GDAP1: variants seen among roughly 807,000 people sequenced by gnomAD.
GDAP1 encodes the protein ganglioside induced differentiation associated protein 1.
Under a neutral mutation model 40.1 loss-of-function variants are expected in GDAP1, and 34 were observed. The observed-to-expected ratio is 0.85, with a 90% CI of 0.64 to 1.13. The LOEUF (loss-of-function observed/expected upper bound fraction) is 1.13, where lower values mean the gene tolerates loss of function less well. Among genes scored for constraint, GDAP1 ranks in the 50% most tolerant of loss-of-function variants. The pLI, the probability that GDAP1 is intolerant of heterozygous loss-of-function variation, is 0.00. For synonymous variants in GDAP1, 170 were observed against 157.4 expected (o/e 1.08, Z -0.60); for missense variants, 374 against 433.7 (o/e 0.86, Z 1.22).
chr8:74,350,639 C>G (rs1354475457), intron 1 of GDAP1, 61 bp downstream of exon 1: 1 of 1,032,640 alleles, frequency 9.7e-7, no homozygotes, highest in African/African-American at 1.6e-5. Flanking sequence ...GGGACAGCTC[C>G]TTCTGAGTCC....
At chr8:74,401,940 C>T (rs1206825942) in intron 2 of GDAP1, among the ~76,000 whole-genome samples, 2 of 150,120 alleles carry the variant, frequency 1.3e-5, no homozygotes, top group South Asian at 4.1e-4. Context: ...AGTACCCGGC[C>T]GTGTGGTGTC....
chr8:74,354,168 A>G (rs192543663), intron 2 of GDAP1, among the ~76,000 whole-genome samples: 1 of 152,308 alleles, frequency 6.6e-6, no homozygotes, highest in Admixed American at 6.5e-5. Flanking sequence ...CTCTTCAACT[A>G]TAGACTCTCA....
At chr8:74,421,614 A>C (rs1452100649) in intron 2 of GDAP1, among the ~76,000 whole-genome samples, 2 of 147,092 alleles carry the variant, frequency 1.4e-5, no homozygotes, top group African/African-American at 2.6e-5. Context: ...CAAGCTGCAC[A>C]GTTCAACCTT....
intron 2 of GDAP1, among the ~76,000 whole-genome samples, chr8:74,409,720 A>T (rs1805684504): frequency 6.7e-6 from 1 of 150,012 alleles, no homozygotes; most frequent in African/African-American, 2.5e-5. Context: ...GAAACTTACC[A>T]GGTTATTGCA....
chr8:74,420,627 A>G (rs959738463), intron 2 of GDAP1, among the ~76,000 whole-genome samples: 2 of 152,168 alleles, frequency 1.3e-5, no homozygotes, highest in African/African-American at 4.8e-5. Flanking sequence ...AGTGCTTTGC[A>G]TTACCTACTT....
chr8:74,398,679 G>A (rs181188641), intron 2 of GDAP1, among the ~76,000 whole-genome samples: 51 of 152,276 alleles, frequency 3.3e-4, no homozygotes, highest in Non-Finnish European at 6.0e-4. Flanking sequence ...GATATTGGCT[G>A]TGGGTTTGTC....
chr8:74,423,599 C>T (rs2131560937), intron 2 of GDAP1, among the ~76,000 whole-genome samples: 2 of 151,906 alleles, frequency 1.3e-5, no homozygotes, highest in South Asian at 2.1e-4. Flanking sequence ...ATAATTTTTA[C>T]TGTCTATGCT....
chr8:74,372,306 A>C (rs1467320819), intron 2 of GDAP1, among the ~76,000 whole-genome samples: 1 of 152,160 alleles, frequency 6.6e-6, no homozygotes, highest in Non-Finnish European at 1.5e-5. Flanking sequence ...GCTGGGTCAA[A>C]TGCTATTTCT....
chr8:74,365,951 A>G lies in GDAP1; in HGVS notation c.*1584A>G. The stretch of plus-strand genomic sequence containing the variant: ...TGTATTCATTAGAGCCATAGAAGTT[A>G]TTATTCATTAGTTCATAGTGTTTGA... On this transcript the variant is annotated 3_prime_UTR_variant, in exon 6 of 6. Transcript: ENST00000220822. The G allele has an allele frequency of 2.2e-6, 1 of 452,888 alleles. No homozygotes were observed. The highest frequency in any genetic ancestry group is 2.0e-5 in the African/African-American group (1 of 50,056). 28.1% of individuals were successfully genotyped at this position (452,888 alleles called of 1,614,324 possible).
Position 74,395,650 on chromosome 8 carries a change from C to T in GDAP1, c.165+44329C>T, listed in dbSNP as rs566008811. On this transcript the variant is annotated intron_variant, in intron 2 of 2. Transcript: ENST00000523640. The stretch of plus-strand genomic sequence containing the variant: ...TTCCTGTTGCCCTAATGTATGTGGG[C>T]GTGTCTGCAATGCTGTGGAAAACTC... Among the ~76,000 whole-genome samples the T allele has an allele frequency of 1.1e-4, 17 of 152,166 alleles. 1 individual carries two copies. The South Asian group carries it at 1.9e-3, about 17-fold the overall frequency.
chr8:74,446,990 C>T (rs1052698494), intron 2 of GDAP1, among the ~76,000 whole-genome samples: 3 of 151,908 alleles, frequency 2.0e-5, no homozygotes, highest in Non-Finnish European at 2.9e-5. Context: ...GTGATGGTAG[C>T]GCAAACTTGT....
intron 2 of GDAP1, among the ~76,000 whole-genome samples, chr8:74,356,716 A>ATTTTTTTTTTT (rs377497809): frequency 9.6e-6 from 1 of 104,362 alleles, no homozygotes; most frequent in Non-Finnish European, 1.8e-5. Flanking sequence ...ATATATATAT[A>ATTTTTTTTTTT]TTTTTTTTTT....
At chr8:74,464,734 C>T (rs1248274264) in intron 2 of GDAP1, among the ~76,000 whole-genome samples, 1 of 152,098 alleles carries the variant, frequency 6.6e-6, no homozygotes, top group Non-Finnish European at 1.5e-5. Context: ...AAGAATAACT[C>T]CGTCAGACAA....
intron 2 of GDAP1, among the ~76,000 whole-genome samples, chr8:74,382,252 G>T (rs986194062): frequency 6.6e-6 from 1 of 151,950 alleles, no homozygotes; most frequent in Non-Finnish European, 1.5e-5. Flanking sequence ...TTGATTTCTG[G>T]TATGTTAAGG....
At chr8:74,428,975 T>C (rs1805991489) in intron 2 of GDAP1, among the ~76,000 whole-genome samples, 1 of 151,414 alleles carries the variant, frequency 6.6e-6, no homozygotes, top group South Asian at 2.1e-4. Flanking sequence ...TTTGGTTTTT[T>C]GTCCTTGCGA....
intron 2 of GDAP1, among the ~76,000 whole-genome samples, chr8:74,409,421 G>C (rs1805680616): frequency 6.7e-6 from 1 of 149,646 alleles, no homozygotes; most frequent in Admixed American, 6.6e-5. Context: ...GTGCGATCTT[G>C]GCTCACTGCA....
At position 74,362,784 on chromosome 8, in the gene GDAP1, C is replaced by CTTTTTT. The variant is rs1284434868; in HGVS notation, c.580-140_580-135dup. 9.3e-4 allele frequency among the ~76,000 whole-genome samples: 56 copies of CTTTTTT among 60,406 alleles called. 1 individual carries two copies. Among genetic ancestry groups the CTTTTTT allele is most frequent in the Non-Finnish European group, 1.0e-3 (34 of 32,452 alleles). The allele number at this position is 60,406 out of a possible 152,430, so 39.6% of individuals were successfully genotyped here. On this transcript the variant is annotated intron_variant, in intron 4 of 5. Transcript: ENST00000220822. ...CCCTTCAACTTAGCTCTCTCTCTCT[C>CTTTTTT]TTTTTTTTTTTTTTTTTTTTGCTGA... is the stretch of plus-strand genomic sequence containing the variant.
intron 2 of GDAP1, among the ~76,000 whole-genome samples, chr8:74,447,384 C>A (rs1287141316): frequency 6.6e-6 from 1 of 152,038 alleles, no homozygotes; most frequent in African/African-American, 2.4e-5. Flanking sequence ...TACTGTATAT[C>A]TGGGTGAAAA....
intron 2 of GDAP1, among the ~76,000 whole-genome samples, chr8:74,449,049 G>T (rs899009895): frequency 7.0e-4 from 106 of 151,864 alleles, no homozygotes; most frequent in African/African-American, 2.5e-3. Flanking sequence ...AGGCTCCAAG[G>T]TTTAATTTTT....
Sources: gnomAD v4.1 joint callset for allele counts (sites outside exome capture counted in the v4.1 genomes callset) on GRCh38, gnomAD v4.1.1 for gene constraint, MANE v1.5 for transcripts, NCBI Gene and HGNC (gene_info 2026-07-23, HGNC 2026-07-21) for gene names.